The following CALCR variants were observed in gnomAD, a reference collection of about 807,000 sequenced individuals.
CALCR encodes calcitonin receptor.
In CALCR, 47 loss-of-function variants were observed where a neutral mutation model predicts 59.5. The observed-to-expected ratio is 0.79, with a 90% confidence interval of 0.63 to 1.01. The LOEUF (loss-of-function observed/expected upper bound fraction) is 1.01, where lower values mean the gene tolerates loss of function less well. CALCR is among the 50% of genes least tolerant of loss of function. The pLI is 0.00. For synonymous variants in CALCR, 213 were observed against 211.3 expected (o/e 1.01, Z -0.07); for missense variants, 566 against 597.1 (o/e 0.95, Z 0.54).
chr7:93,524,381 A>G lies in CALCR; in HGVS notation c.-26-37374T>C, dbSNP rs377642082. Among the ~76,000 whole-genome samples the G allele has an allele frequency of 4.1e-3, 624 of 152,084 alleles. 11 individuals carry two copies. The highest frequency in any genetic ancestry group is 0.014 in the African/African-American group (596 of 41,480). On this transcript the variant is annotated intron_variant, in intron 2 of 13. Coordinates refer to ENST00000426151, the MANE Select transcript of CALCR (RefSeq NM_001742.4). Reference sequence around the variant, plus strand: ...GAGACGCGGTTTCACCGTGTTAGCCAGGATGGTCTTGATCTCCTGACCTCG... The same window carrying G: ...GAGACGCGGTTTCACCGTGTTAGCCGGGATGGTCTTGATCTCCTGACCTCG...
intron 2 of CALCR, among the ~76,000 whole-genome samples, chr7:93,521,606 T>C (rs1447612482): frequency 6.6e-6 from 1 of 152,184 alleles, no homozygotes. Flanking sequence ...TTCTAGATTT[T>C]ATTTTTCTAA....
At chr7:93,453,415 G>T (rs1800147982) in intron 8 of CALCR, among the ~76,000 whole-genome samples, 1 of 152,014 alleles carries the variant, frequency 6.6e-6, no homozygotes, top group East Asian at 1.9e-4. Context: ...AGATCCTGAA[G>T]TTCAGCAAGA....
intron 2 of CALCR, among the ~76,000 whole-genome samples, chr7:93,533,779 C>A (rs1027699465): frequency 2.0e-5 from 3 of 151,384 alleles, no homozygotes; most frequent in Non-Finnish European, 4.4e-5. Context: ...GTTTTAGAAG[C>A]TTTTTTTTCT....
chr7:93,492,230 C>T (rs1801096334), intron 2 of CALCR, among the ~76,000 whole-genome samples: 1 of 151,386 alleles, frequency 6.6e-6, no homozygotes, highest in Non-Finnish European at 1.5e-5. Context: ...GAACAACACA[C>T]ACCAAGGCCT....
chr7:93,567,360 G>A (rs1024871614), intron 2 of CALCR, among the ~76,000 whole-genome samples: 1 of 152,162 alleles, frequency 6.6e-6, no homozygotes, highest in African/African-American at 2.4e-5. Flanking sequence ...AGAGAAGAGA[G>A]GGTCTCCTGG....
intron 9 of CALCR, among the ~76,000 whole-genome samples, chr7:93,439,739 A>G (rs1300604744): frequency 6.6e-6 from 1 of 152,144 alleles, no homozygotes; most frequent in East Asian, 1.9e-4. Flanking sequence ...AATAAATTCT[A>G]TTTGTTCAAT....
chr7:93,566,561 C>T (rs753259973), intron 2 of CALCR, among the ~76,000 whole-genome samples: 6 of 152,146 alleles, frequency 3.9e-5, no homozygotes, highest in Non-Finnish European at 8.8e-5. Context: ...CATTTGAGTA[C>T]AGCAGCAGAG....
intron 2 of CALCR, among the ~76,000 whole-genome samples, chr7:93,496,849 A>G (rs1028605667): frequency 1.3e-5 from 2 of 151,680 alleles, no homozygotes; most frequent in African/African-American, 4.8e-5. Context: ...GTGAATAAGC[A>G]AATGAATTTT....
chr7:93,474,226 T>C (rs566947502), intron 5 of CALCR, among the ~76,000 whole-genome samples: 27 of 151,596 alleles, frequency 1.8e-4, no homozygotes, highest in Non-Finnish European at 3.7e-4. Flanking sequence ...GAGTAAAAAG[T>C]GGTCAGAATG....
At chr7:93,447,883 T>C (rs1034632523) in intron 8 of CALCR, among the ~76,000 whole-genome samples, 4 of 151,902 alleles carry the variant, frequency 2.6e-5, no homozygotes, top group Non-Finnish European at 4.4e-5. Flanking sequence ...TTTGAAACCA[T>C]AGAGTAGGAA....
chr7:93,455,451 A>C (rs1333145294), intron 8 of CALCR, among the ~76,000 whole-genome samples: 1 of 150,382 alleles, frequency 6.6e-6, no homozygotes, highest in Non-Finnish European at 1.5e-5. Flanking sequence ...CCTTGTCTCT[A>C]CTTTTCTTGG....
intron 7 of CALCR, among the ~76,000 whole-genome samples, chr7:93,464,723 T>C (rs1244074212): frequency 6.6e-6 from 1 of 151,982 alleles, no homozygotes; most frequent in Non-Finnish European, 1.5e-5. Context: ...TCAACAGTTA[T>C]CTTTGGTGTC....
intron 9 of CALCR, among the ~76,000 whole-genome samples, chr7:93,441,914 A>C (rs888460992): frequency 6.6e-6 from 1 of 152,132 alleles, no homozygotes; most frequent in African/African-American, 2.4e-5. Context: ...ACCTGCCTTC[A>C]GTTGGATCAA....
At chr7:93,560,656 G>C (rs1789724499) in intron 2 of CALCR, among the ~76,000 whole-genome samples, 1 of 152,044 alleles carries the variant, frequency 6.6e-6, no homozygotes, top group African/African-American at 2.4e-5. Context: ...AAGTTTATTT[G>C]CTGTGACCAT....
At chr7:93,487,879 C>T (rs560977037) in intron 2 of CALCR, among the ~76,000 whole-genome samples, 4 of 151,458 alleles carry the variant, frequency 2.6e-5, no homozygotes, top group Admixed American at 1.3e-4. Context: ...CAAGACTGGC[C>T]AACATGCAAA....
chr7:93,566,475 A>C (rs1045901474), intron 2 of CALCR, among the ~76,000 whole-genome samples: 5 of 152,180 alleles, frequency 3.3e-5, no homozygotes, highest in African/African-American at 1.2e-4. Context: ...TGTTACTTAC[A>C]GGCTCTGATC....
chr7:93,442,574 A>G lies in CALCR; in HGVS notation c.802+1030T>C, dbSNP rs533966993. Among the ~76,000 whole-genome samples, 22 of 152,302 alleles carry G rather than the reference A, an allele frequency of 1.4e-4. No homozygotes were observed. In the East Asian group the frequency reaches 4.1e-3, roughly 28 times the overall value. On this transcript the variant is annotated intron_variant, in intron 9 of 13. Transcript: ENST00000426151. ...TGTTGGGCAGGGCTTTAAATACAAA[A>G]GGTGATGTTTTTAAAAAATCCCTTG...
intron 13 of CALCR, among the ~76,000 whole-genome samples, chr7:93,426,803 C>T (rs1435120004): frequency 3.3e-5 from 5 of 152,090 alleles, no homozygotes; most frequent in African/African-American, 9.7e-5. Context: ...CTTAAATTAC[C>T]CCTGGCAAGG....
chr7:93,556,830 G>T (rs952214114), intron 2 of CALCR, among the ~76,000 whole-genome samples: 1 of 151,816 alleles, frequency 6.6e-6, no homozygotes, highest in South Asian at 2.1e-4. Context: ...ATCCGTCTTT[G>T]AAATACTACA....
Sources: allele counts gnomAD v4.1 joint callset (sites outside exome capture counted in the v4.1 genomes callset), GRCh38; gene constraint gnomAD v4.1.1; transcripts MANE v1.5; gene names NCBI Gene and HGNC (gene_info 2026-07-23, HGNC 2026-07-21).